The following GGT1 variants were observed in gnomAD, a reference collection of about 807,000 sequenced individuals.
GGT1 encodes gamma-glutamyltransferase 1.
In GGT1, 21 loss-of-function variants were observed where a neutral mutation model predicts 56.0. That is an observed-to-expected ratio of 0.38 (90% CI 0.27 to 0.54). The LOEUF is 0.54. Ranked by LOEUF, GGT1 falls within the 20% of genes least tolerant of loss-of-function variation. The pLI, the probability that GGT1 is intolerant of heterozygous loss-of-function variation, is 0.82. For missense variants in GGT1, 466 were observed against 787.0 expected (o/e 0.59, Z 4.88); for synonymous variants, 238 against 342.6 (o/e 0.69, Z 3.37).
intron 1 of GGT1, among the ~76,000 whole-genome samples, chr22:24,605,850 ATATATGATGTG>A (rs2046209681): frequency 2.2e-5 from 1 of 46,386 alleles, no homozygotes; most frequent in African/African-American, 1.8e-4. Flanking sequence ...ATATTATATA[ATATATGATGTG>A]TATTATATAT....
chr22:24,616,619 A>G (rs751147901), intron 7 of GGT1, among the ~76,000 whole-genome samples: 1 of 139,582 alleles, frequency 7.2e-6, no homozygotes, highest in African/African-American at 2.7e-5. Context: ...ATCTCGGCTC[A>G]CTGCAAGCTC....
chr22:24,617,896 C>T (rs1485713500), intron 7 of GGT1, among the ~76,000 whole-genome samples: 12 of 151,514 alleles, frequency 7.9e-5, no homozygotes, highest in Middle Eastern at 6.8e-3. Flanking sequence ...GGATGGCAGG[C>T]GGGGGAGACT....
Position 24,623,272 on chromosome 22 carries a change from A to G in GGT1, c.883+16A>G, listed in dbSNP as rs1358805406. 9 of 1,540,546 alleles carry G rather than the reference A, an allele frequency of 5.8e-6. No individual in the cohort carries two copies. Among genetic ancestry groups the G allele is most frequent in the South Asian group, 1.2e-5 (1 of 85,220 alleles). Reference sequence around the variant, plus strand: ...ATCCTCAAAGGTGAGTGGTCGCACCACAGCCGTGTGGTAGGACCCATGACA... The same window carrying G: ...ATCCTCAAAGGTGAGTGGTCGCACCGCAGCCGTGTGGTAGGACCCATGACA... On this transcript the variant is annotated intron_variant, in intron 10 of 15. Coordinates refer to ENST00000400382, the MANE Select transcript of GGT1 (RefSeq NM_001288833.2).
the GGT1 span, chr22:24,588,529 T>C: frequency 1.3e-6 from 1 of 767,680 alleles, no homozygotes; most frequent in Non-Finnish European, 2.0e-6. Flanking sequence ...GGCTGCCCTC[T>C]GGGAGCTGGA....
chr22:24,589,669 C>T, the GGT1 span: 3 of 879,816 alleles, frequency 3.4e-6, no homozygotes, highest in Non-Finnish European at 5.0e-6. Context: ...TATACTGATG[C>T]TGGCAGCAGG....
In GGT1 at chr22:24,615,136, T is replaced by C. The variant is rs2046976569; in HGVS notation, c.382+9T>C. ...GGAGCAGTCCCAGAAGGGTAAGCCATGCGGCAGACTTGGGGCGTGGGTGCA... is the reference window on the plus strand; with the variant it reads ...GGAGCAGTCCCAGAAGGGTAAGCCACGCGGCAGACTTGGGGCGTGGGTGCA... On this transcript the variant is annotated intron_variant, in intron 7 of 15. Transcript: ENST00000400382. 3.1e-6 allele frequency: 5 copies of C among 1,604,048 alleles called. No homozygotes were observed. The highest frequency in any genetic ancestry group is 4.3e-6 in the Non-Finnish European group (5 of 1,172,816).
At chr22:24,615,617 T>C (rs2047011674) in intron 7 of GGT1, among the ~76,000 whole-genome samples, 1 of 152,196 alleles carries the variant, frequency 6.6e-6, no homozygotes, top group South Asian at 2.1e-4. Flanking sequence ...TACCGTGCCT[T>C]TTCAACAGGC....
At chr22:24,615,365 A>C (rs389004) in intron 7 of GGT1, among the ~76,000 whole-genome samples, 5 of 151,818 alleles carry the variant, frequency 3.3e-5, no homozygotes, top group African/African-American at 9.7e-5. Flanking sequence ...TGTGCAGCAC[A>C]TGGAGAGAAT....
Position 24,627,935 on chromosome 22 carries a change from A to G in GGT1, c.1292A>G (p.Asn431Ser), listed in dbSNP as rs376004878. The G allele has an allele frequency of 1.5e-5, 24 of 1,612,236 alleles. No homozygotes were observed. Among genetic ancestry groups the G allele is most frequent in the Non-Finnish European group, 2.0e-5 (24 of 1,179,444 alleles). ...MDDFSSPSIT[N>S]EFGVPPSPAN... ...GACTTCAGCTCTCCCAGCATCACCA[A>G]CGAGTTTGGGGTACCCCCCTCACCT... Residue 431 changes from asparagine to serine, a missense_variant, in exon 13 of 16, where the codon AAC (asparagine) becomes AGC (serine). Transcript: ENST00000400382.
In GGT1 at chr22:24,620,255, G is replaced by A. The variant is rs1319008810; in HGVS notation, c.383-73G>A. On this transcript the variant is annotated intron_variant, in intron 7 of 15. Transcript: ENST00000400382. This position sits in a 1 kb window ranked among gnomAD's most constrained non-coding sequence, Gnocchi z 5.6. The stretch of plus-strand genomic sequence containing the variant: ...ATCTGTAAAATGAGTCAGGGACTGT[G>A]CCTGGGATGCTGCCTGCGAGAGATC... 2.0e-6 allele frequency: 3 copies of A among 1,525,862 alleles called. No homozygotes were observed. Among genetic ancestry groups the A allele is most frequent in the African/African-American group, 2.7e-5 (2 of 73,660 alleles). The allele number at this position is 1,525,862 out of a possible 1,614,324, so 94.5% of individuals were successfully genotyped here.
rs991751771 is a variant in GGT1 at position 24,596,090 on chromosome 22, G to A, written c.-324+1204G>A. ...TCAACCTTCTGCAGGGCCAGGAATT[G>A]TCATGAGGCTGTAGTAGGCAGCAGA... On this transcript the variant is annotated intron_variant, in intron 1 of 6. Coordinates refer to the GGT1 transcript ENST00000411974. Among the ~76,000 whole-genome samples, 10 of 152,328 alleles carry A rather than the reference G, an allele frequency of 6.6e-5. No homozygotes were observed. The South Asian group carries it at 1.7e-3, about 25-fold the overall frequency.
At chr22:24,605,339 GTATTATA>G (rs1259856498) in intron 1 of GGT1, among the ~76,000 whole-genome samples, 1 of 46,478 alleles carries the variant, frequency 2.2e-5, no homozygotes, top group African/African-American at 1.3e-4. Flanking sequence ...TATATAATAT[GTATTATA>G]TATTATATAA....
the GGT1 span, chr22:24,586,182 T>C: frequency 6.2e-6 from 10 of 1,613,756 alleles, no homozygotes; most frequent in Non-Finnish European, 8.5e-6. Context: ...GTCAGTCGGT[T>C]GCCGTTGAGC....
intron 11 of GGT1, among the ~76,000 whole-genome samples, chr22:24,626,966 C>T (rs576233897): frequency 8.6e-5 from 13 of 150,966 alleles, no homozygotes; most frequent in East Asian, 3.9e-4. Flanking sequence ...TCTTTTCACA[C>T]GTTGCCTCCT....
intron 1 of GGT1, among the ~76,000 whole-genome samples, chr22:24,604,159 G>A (rs376614908): frequency 6.6e-6 from 1 of 150,664 alleles, no homozygotes; most frequent in East Asian, 2.0e-4. Flanking sequence ...TTCTCATATC[G>A]AGGGATAGCG....
chr22:24,587,256 G>C, the GGT1 span, among the ~76,000 whole-genome samples: 51 of 152,328 alleles, frequency 3.3e-4, no homozygotes, highest in African/African-American at 1.2e-3. Context: ...GGGAGGTCCT[G>C]GGTGTGCAGG....
intron 7 of GGT1, among the ~76,000 whole-genome samples, chr22:24,618,140 G>A (rs2047185867): frequency 6.6e-6 from 1 of 152,146 alleles, no homozygotes; most frequent in African/African-American, 2.4e-5. Context: ...CATGCATAGA[G>A]TGTATAATGA....
intron 9 of GGT1, among the ~76,000 whole-genome samples, chr22:24,622,570 CA>C (rs765739641): frequency 4.0e-5 from 6 of 149,486 alleles, no homozygotes; most frequent in East Asian, 2.0e-4. Flanking sequence ...TCTCAAAAAA[CA>C]AAAAAAAAGT....
In GGT1 at chr22:24,620,182, C is replaced by T; in HGVS notation, c.383-146C>T. 9.0e-7 allele frequency: 1 copy of T among 1,108,696 alleles called. No homozygotes were observed. Among genetic ancestry groups the T allele is most frequent in the Non-Finnish European group, 1.3e-6 (1 of 793,082 alleles). The allele number at this position is 1,108,696 out of a possible 1,614,324, so 68.7% of individuals were successfully genotyped here. On this transcript the variant is annotated intron_variant, in intron 7 of 15. Coordinates refer to ENST00000400382, the MANE Select transcript of GGT1 (RefSeq NM_001288833.2). This position sits in a 1 kb window ranked among gnomAD's most constrained non-coding sequence, Gnocchi z 5.6. ...GCTGGGCAAGATGGCAAGACCCCAA[C>T]TCAAAAAAGAAAAAAAAAAAATCTT...
Sources: gnomAD v4.1 joint callset for allele counts (sites outside exome capture counted in the v4.1 genomes callset) on GRCh38, gnomAD v4.1.1 for gene constraint, Gnocchi (gnomAD v3.1) non-coding constraint, MANE v1.5 for transcripts, NCBI Gene and HGNC (gene_info 2026-07-23, HGNC 2026-07-21) for gene names.